The following SLC29A1 variants were observed in gnomAD, a reference collection of about 807,000 sequenced individuals.
SLC29A1 encodes the protein solute carrier family 29 member 1 (Augustine blood group).
A neutral mutation model predicts 48.3 loss-of-function variants in SLC29A1; 22 were observed. The ratio of observed to expected loss-of-function variants is 0.46; its 90% CI spans 0.33 to 0.65. The LOEUF (loss-of-function observed/expected upper bound fraction) is 0.65. Ranked by LOEUF, SLC29A1 falls within the 30% of genes least tolerant of loss-of-function variation. The pLI is 0.03. For synonymous variants in SLC29A1, 228 were observed against 231.0 expected (o/e 0.99, Z 0.12); for missense variants, 491 against 575.3 (o/e 0.85, Z 1.50).
intron 9 of SLC29A1, 50 bp from the exon 10 acceptor site, chr6:44,231,948 A>C: frequency 7.4e-7 from 1 of 1,360,138 alleles, no homozygotes; most frequent in Non-Finnish European, 1.1e-6. Context: ...TTTAATGCAC[A>C]GCCACCATGA....
At position 44,224,254 on chromosome 6, in the gene SLC29A1, C is replaced by T. The variant is rs185852600; in HGVS notation, c.-52+613C>T. ...GGCTGGCTCCAACCCTGCCCTCACA[C>T]CTCTAGGGGTCTCTCTGCAGCCCTG... On this transcript the variant is annotated intron_variant, in intron 1 of 12. Transcript: ENST00000371755. Among the ~76,000 whole-genome samples, 202 of 151,946 alleles carry T rather than the reference C, an allele frequency of 1.3e-3. 1 individual carries two copies. The highest frequency in any genetic ancestry group is 4.7e-3 in the African/African-American group (196 of 41,412).
chr6:44,231,926 G>A, intron 9 of SLC29A1, 72 bp from the exon 10 acceptor site: 1 of 1,166,466 alleles, frequency 8.6e-7, no homozygotes, highest in Non-Finnish European at 1.3e-6. Flanking sequence ...GCCTGGCCTG[G>A]ATTCGTGGTT....
chr6:44,231,916 G>T (rs1049567925), intron 9 of SLC29A1, 82 bp from the exon 10 acceptor site: 4 of 1,046,182 alleles, frequency 3.8e-6, no homozygotes, highest in Non-Finnish European at 5.9e-6. Context: ...GAGCCACCAC[G>T]CCTGGCCTGG....
chr6:44,233,334 C>T, intron 12 of SLC29A1, 83 bp from the exon 13 acceptor site: 2 of 1,183,604 alleles, frequency 1.7e-6, no homozygotes, highest in Non-Finnish European at 1.3e-6. Context: ...CAAGTTGCTC[C>T]ACCCCACCCC....
intron 8 of SLC29A1, 46 bp from the exon 9 acceptor site, chr6:44,231,318 G>C (rs1196848960): frequency 7.9e-7 from 1 of 1,259,222 alleles, no homozygotes; most frequent in Admixed American, 1.8e-5. Context: ...GTTGTCTTCT[G>C]TTGCTCTGTC....
At position 44,229,827 on chromosome 6, in the gene SLC29A1, C is replaced by A. The variant is rs755889276; in HGVS notation, c.314+36C>A. On this transcript the variant is annotated intron_variant, in intron 4 of 12. Transcript: ENST00000371755. The surrounding 1 kb of genome is among the most constrained non-coding windows in gnomAD (Gnocchi z 5.1). ...ACCCCCTCCCCAGCCCCCAGCCTGA[C>A]CCTCACTGTGTCCTGCACCCCCTTG... The A allele has an allele frequency of 6.2e-7, 1 of 1,600,818 alleles. No individual in the cohort carries two copies.
At chr6:44,222,744 A>G (rs1776598859), upstream of SLC29A1, among the ~76,000 whole-genome samples, 1 of 152,082 alleles carries the variant, frequency 6.6e-6, no homozygotes, top group Non-Finnish European at 1.5e-5. Context: ...TGAAAGACAT[A>G]CTCAGCAAGG....
At position 44,231,415 on chromosome 6, in the gene SLC29A1, C is replaced by A; in HGVS notation, c.818C>A (p.Ser273Tyr). 1 of 1,607,508 alleles carries A rather than the reference C, an allele frequency of 6.2e-7. No individual in the cohort carries two copies. The highest frequency in any genetic ancestry group is 8.5e-7 in the Non-Finnish European group (1 of 1,176,038). Reference protein sequence around the residue: ...KEESGVSVSNSQPTNESHSIK... With the variant: ...KEESGVSVSNYQPTNESHSIK... Reference sequence around the variant, plus strand: ...GAATCTGGAGTTTCAGTCTCCAACTCTCAGCCCACCAATGAAAGCCACTCT... The same window carrying A: ...GAATCTGGAGTTTCAGTCTCCAACTATCAGCCCACCAATGAAAGCCACTCT... The change falls in exon 9 of 13, where the codon TCT (serine) becomes TAT (tyrosine). Residue 273 changes from serine (S) to tyrosine (Y), a missense_variant. Coordinates refer to ENST00000371755, the MANE Select transcript of SLC29A1 (RefSeq NM_001372327.1).
Position 44,230,574 on chromosome 6 carries a change from C to G in SLC29A1, c.596C>G (p.Ser199Trp), listed in dbSNP as rs184073743. The G allele has an allele frequency of 3.7e-6, 6 of 1,613,954 alleles. No homozygotes were observed. Among genetic ancestry groups the G allele is most frequent in the Non-Finnish European group, 5.1e-6 (6 of 1,179,972 alleles). Residue 199 changes from serine to tryptophan, a missense_variant, in exon 7 of 13, where the codon TCG becomes TGG. Coordinates refer to ENST00000371755, the MANE Select transcript of SLC29A1 (RefSeq NM_001372327.1). ...ATCACTGACACCACCCCAGGTGGCT[C>G]GGAGCTATCAGAAAGTGCCTTCGGC... ...VAMICAIASG[S>W]ELSESAFGYF...
chr6:44,233,338 C>T, intron 12 of SLC29A1, 79 bp from the exon 13 acceptor site: 2 of 1,233,116 alleles, frequency 1.6e-6, no homozygotes, highest in Non-Finnish European at 2.4e-6. Flanking sequence ...TTGCTCCACC[C>T]CACCCCTCCT....
At position 44,230,494 on chromosome 6, in the gene SLC29A1, A is replaced by C. The variant is rs781266323; in HGVS notation, c.589+13A>C. 1 of 1,613,706 alleles carries C rather than the reference A, an allele frequency of 6.2e-7. No homozygotes were observed. Among genetic ancestry groups the C allele is most frequent in the African/African-American group, 1.3e-5 (1 of 74,934 alleles). Reference sequence around the variant, plus strand: ...TGCGCTATTGCCAGTAAGTCCGGCTATCTACCTGCCCAGTGCCCTGGTGTG... The same window carrying C: ...TGCGCTATTGCCAGTAAGTCCGGCTCTCTACCTGCCCAGTGCCCTGGTGTG... On this transcript the variant is annotated intron_variant, in intron 6 of 12. Transcript: ENST00000371755.
In SLC29A1 at chr6:44,223,683, G is replaced by A; in HGVS notation, c.-52+42G>A. ...GGGACTGGGGACTGGGGACTGCCGGGGCGGAAGACGCCGCTGCCCGCCTGC... is the reference window on the plus strand; with the variant it reads ...GGGACTGGGGACTGGGGACTGCCGGAGCGGAAGACGCCGCTGCCCGCCTGC... On this transcript the variant is annotated intron_variant, in intron 1 of 12. Coordinates refer to ENST00000371755, the MANE Select transcript of SLC29A1 (RefSeq NM_001372327.1). This position sits in a 1 kb window ranked among gnomAD's most constrained non-coding sequence, Gnocchi z 5.0. 8.8e-7 allele frequency: 1 copy of A among 1,139,348 alleles called. No individual in the cohort carries two copies. The allele number at this position is 1,139,348 out of a possible 1,614,324, so 70.6% of individuals were successfully genotyped here. A position where few individuals can be genotyped will look rare whatever the true frequency, so the allele number is the denominator to read the frequency against.
At chr6:44,222,159 G>T (rs538204565), upstream of SLC29A1, among the ~76,000 whole-genome samples, 2 of 151,012 alleles carry the variant, frequency 1.3e-5, no homozygotes, top group African/African-American at 4.9e-5. Context: ...GGGGGTTGTG[G>T]ACAGACATGA....
At chr6:44,231,595 G>T (rs1778897069) in intron 9 of SLC29A1, 134 bp downstream of exon 9, 1 of 645,954 alleles carries the variant, frequency 1.5e-6, no homozygotes, top group Non-Finnish European at 2.8e-6. Flanking sequence ...GTGTGTGCGT[G>T]CGTGCCCATG....
At chr6:44,221,280 A>G (rs1237477418), upstream of SLC29A1, among the ~76,000 whole-genome samples, 2 of 152,192 alleles carry the variant, frequency 1.3e-5, no homozygotes. The surrounding 1 kb of genome is among the most constrained non-coding windows in gnomAD (Gnocchi z 4.2). Context: ...CAGCCCTGTC[A>G]CAAGGCCATG....
chr6:44,223,642 G>C lies in SLC29A1; in HGVS notation c.-52+1G>C, dbSNP rs1291468445. The stretch of plus-strand genomic sequence containing the variant: ...CGCGGGAGCAGTGCTTCTGCGGCAG[G>C]TGCTGCCCGGGGCCGGGGACTGGGG... On this transcript the variant is annotated splice_donor_variant, in intron 1 of 12. Transcript: ENST00000371755. LOFTEE classifies it low-confidence loss of function (5UTR_SPLICE). The surrounding 1 kb of genome is among the most constrained non-coding windows in gnomAD (Gnocchi z 5.0). 1.7e-6 allele frequency: 2 copies of C among 1,206,146 alleles called. No individual in the cohort carries two copies. Among genetic ancestry groups the C allele is most frequent in the African/African-American group, 1.6e-5 (1 of 61,140 alleles). The allele number at this position is 1,206,146 out of a possible 1,614,324, so 74.7% of individuals were successfully genotyped here.
intron 8 of SLC29A1, among the ~76,000 whole-genome samples, 192 bp downstream of exon 8, chr6:44,231,081 G>A (rs1373769412): frequency 1.3e-5 from 2 of 152,176 alleles, no homozygotes; most frequent in East Asian, 3.8e-4. Context: ...GGCAGATCCT[G>A]GATGACCTTG....
At chr6:44,233,037 A>G (rs1271927138) in intron 12 of SLC29A1, 31 bp downstream of exon 12, 12 of 1,599,274 alleles carry the variant, frequency 7.5e-6, no homozygotes, top group Non-Finnish European at 1.0e-5. Context: ...ACTTGGTGGC[A>G]TCAGACAGGA....
chr6:44,224,590 T>A (rs55725328), intron 1 of SLC29A1, among the ~76,000 whole-genome samples: 19,266 of 152,142 alleles, frequency 0.13, 1,587 homozygotes, highest in East Asian at 0.27. Context: ...TTCAGGCAAG[T>A]GACTCAACCC....
Sources: allele counts gnomAD v4.1 joint callset (sites outside exome capture counted in the v4.1 genomes callset), GRCh38; gene constraint gnomAD v4.1.1; non-coding constraint Gnocchi (gnomAD v3.1); transcripts MANE v1.5; gene names NCBI Gene and HGNC (gene_info 2026-07-23, HGNC 2026-07-21).